The following DNAH7 variants were observed in gnomAD, a reference collection of about 807,000 sequenced individuals.
The protein encoded by DNAH7 is axonemal beta dynein heavy chain 7.
In DNAH7, 397 loss-of-function variants were observed where a neutral mutation model predicts 444.6. That is an observed-to-expected ratio of 0.89 (90% CI 0.82 to 0.97). The LOEUF is 0.97. Among genes scored for constraint, DNAH7 ranks in the 50% least tolerant of loss-of-function variants. The pLI is 0.00. For missense variants in DNAH7, 4,902 were observed against 4,800.8 expected, an observed-to-expected ratio of 1.02 and a Z score of -0.62; for synonymous variants, 1,636 against 1,624.4, an observed-to-expected ratio of 1.01 and a Z score of -0.17.
At chr2:195,913,809 G>A (rs1294525805) in intron 24 of DNAH7, among the ~76,000 whole-genome samples, 2 of 152,094 alleles carry the variant, frequency 1.3e-5, no homozygotes, top group Non-Finnish European at 2.9e-5. Context: ...TCCGCCTCCC[G>A]GGTTCAAGCG....
chr2:195,795,433 T>G (rs111948505), intron 56 of DNAH7, among the ~76,000 whole-genome samples: 272 of 152,196 alleles, frequency 1.8e-3, no homozygotes, highest in African/African-American at 6.5e-3. Flanking sequence ...GCGTGAAGTA[T>G]GAGGAAATGT....
intron 12 of DNAH7, among the ~76,000 whole-genome samples, chr2:195,991,086 A>G (rs1410834960): frequency 6.6e-6 from 1 of 151,210 alleles, no homozygotes; most frequent in Non-Finnish European, 1.5e-5. Flanking sequence ...GGAACAGGTC[A>G]CCCTGTAACA....
At chr2:195,772,945 T>C (rs1043152769) in intron 60 of DNAH7, among the ~76,000 whole-genome samples, 2 of 152,102 alleles carry the variant, frequency 1.3e-5, no homozygotes, top group Non-Finnish European at 2.9e-5. Context: ...CACGCCTGGC[T>C]AATTTTTGTA....
At position 195,972,389 on chromosome 2, in the gene DNAH7, G is replaced by C; in HGVS notation, c.1911C>G (p.Ala637=). The change falls in exon 16 of 65, where the codon GCC becomes GCG. Residue 637 remains alanine (A), a synonymous_variant. Coordinates refer to ENST00000312428, the MANE Select transcript of DNAH7 (RefSeq NM_018897.3). ...AAAAGTTGACATACTCGATGAGGAA[G>C]GCGAGGCAGTTTTTGGAATCCACTA... is the stretch of plus-strand genomic sequence containing the variant. The part of the protein sequence containing the change: ...QRLVDSKNCL[A]FLIEYVNFSP... 1.2e-6 allele frequency: 2 copies of C among 1,614,084 alleles called. No homozygotes were observed. Among genetic ancestry groups the C allele is most frequent in the Non-Finnish European group, 1.7e-6 (2 of 1,180,008 alleles).
At chr2:195,909,972 A>G in intron 25 of DNAH7, 55 bp downstream of exon 25, 1 of 1,492,758 alleles carries the variant, frequency 6.7e-7, no homozygotes, top group East Asian at 2.4e-5. Context: ...TGCATCATAA[A>G]TAACCATCTC....
chr2:195,940,312 C>G (rs983764269), intron 19 of DNAH7, among the ~76,000 whole-genome samples: 1 of 152,172 alleles, frequency 6.6e-6, no homozygotes, highest in Non-Finnish European at 1.5e-5. Context: ...AGAAAACTGG[C>G]TAGCCACATG....
intron 53 of DNAH7, 106 bp downstream of exon 53, chr2:195,808,576 T>C: frequency 2.2e-6 from 3 of 1,345,886 alleles, no homozygotes; most frequent in Non-Finnish European, 3.0e-6. Flanking sequence ...TTCTAACATG[T>C]GACCAGTTGT....
chr2:195,992,166 C>A (rs187583449), intron 12 of DNAH7, among the ~76,000 whole-genome samples: 16 of 152,210 alleles, frequency 1.1e-4, no homozygotes, highest in Admixed American at 2.0e-4. Flanking sequence ...ATATGGGAAA[C>A]AGGGAAAAGC....
At chr2:195,904,074 A>T (rs1686869002) in intron 27 of DNAH7, 1 of 152,234 alleles carries the variant, frequency 6.6e-6, no homozygotes, top group South Asian at 2.1e-4. Context: ...CCAACAGTGA[A>T]GTTTACATGG....
At chr2:196,005,275 A>AAAACAAAC in intron 10 of DNAH7, among the ~76,000 whole-genome samples, 1 of 149,076 alleles carries the variant, frequency 6.7e-6, no homozygotes, top group East Asian at 1.9e-4. Context: ...CTCCATCTCC[A>AAAACAAAC]AAACAAACAA....
chr2:195,782,200 T>C (rs543687318), intron 58 of DNAH7, among the ~76,000 whole-genome samples: 27 of 152,370 alleles, frequency 1.8e-4, no homozygotes, highest in African/African-American at 6.0e-4. Flanking sequence ...TAACTTCATT[T>C]ATCGAATACC....
chr2:195,765,739 G>C (rs1423514770), intron 61 of DNAH7, among the ~76,000 whole-genome samples: 1 of 152,164 alleles, frequency 6.6e-6, no homozygotes. Flanking sequence ...AAATGCAGGT[G>C]AGAATGTGGA....
chr2:195,756,094 G>T, intron 62 of DNAH7, 39 bp downstream of exon 62: 3 of 1,549,658 alleles, frequency 1.9e-6, no homozygotes, highest in Non-Finnish European at 2.6e-6. Context: ...ATGAAACCAG[G>T]AGAAACTTAA....
chr2:195,829,204 G>A (rs1231351586), intron 48 of DNAH7, among the ~76,000 whole-genome samples: 12 of 152,134 alleles, frequency 7.9e-5, no homozygotes, highest in Non-Finnish European at 2.9e-5. Context: ...AGTTGTCACT[G>A]ATTTAATATT....
intron 2 of DNAH7, among the ~76,000 whole-genome samples, chr2:196,054,330 G>A (rs1013551334): frequency 6.6e-6 from 1 of 152,080 alleles, no homozygotes; most frequent in African/African-American, 2.4e-5. Context: ...AGACCAGCCT[G>A]GGCAACATGG....
rs117147014 is a variant in DNAH7, at chr2:195,919,252, A to G, written c.3935+2836T>C. On this transcript the variant is annotated intron_variant, in intron 24 of 64. Transcript: ENST00000312428. Reference sequence around the variant, plus strand: ...GACTTTGTTTAAAAAAAAAAAAAAAAGATGTTAATGGAAGAAACTGGGTGG... The same window carrying G: ...GACTTTGTTTAAAAAAAAAAAAAAAGGATGTTAATGGAAGAAACTGGGTGG... 0.019 allele frequency among the ~76,000 whole-genome samples: 2,929 copies of G among 151,134 alleles called. 241 individuals carry two copies. The East Asian group carries it at 0.27, about 14-fold the overall frequency.
At chr2:196,035,285 G>A (rs1331494843) in intron 5 of DNAH7, among the ~76,000 whole-genome samples, 1 of 152,040 alleles carries the variant, frequency 6.6e-6, no homozygotes, top group East Asian at 1.9e-4. Flanking sequence ...AACAACAAAA[G>A]GAAAATTGAT....
intron 13 of DNAH7, 135 bp downstream of exon 13, chr2:195,987,822 C>A: frequency 1.1e-6 from 1 of 873,286 alleles, no homozygotes; most frequent in Non-Finnish European, 1.7e-6. Context: ...GCTAGGGACA[C>A]ATCAGAAGCT....
chr2:195,963,164 T>C (rs886908210), intron 17 of DNAH7, among the ~76,000 whole-genome samples: 6 of 152,196 alleles, frequency 3.9e-5, no homozygotes, highest in Non-Finnish European at 8.8e-5. Flanking sequence ...GTAGCTCTAG[T>C]TTTAGTTTTT....
Sources: gnomAD v4.1 joint callset for allele counts (sites outside exome capture counted in the v4.1 genomes callset) on GRCh38, gnomAD v4.1.1 for gene constraint, MANE v1.5 for transcripts, NCBI Gene and HGNC (gene_info 2026-07-23, HGNC 2026-07-21) for gene names.